The following SYCP2L variants were observed in gnomAD, a reference collection of about 807,000 sequenced individuals.
SYCP2L encodes synaptonemal complex protein 2-like.
Under a neutral mutation model 125.8 loss-of-function variants are expected in SYCP2L, and 98 were observed. The ratio of observed to expected loss-of-function variants is 0.78; its 90% CI spans 0.66 to 0.92. SYCP2L has a LOEUF of 0.92. Among genes scored for constraint, SYCP2L ranks in the 40% least tolerant of loss-of-function variants. SYCP2L has a pLI of 0.00. For synonymous variants in SYCP2L, 317 were observed against 325.4 expected (o/e 0.97, Z 0.28); for missense variants, 842 against 936.4 (o/e 0.90, Z 1.32).
At chr6:10,903,712 C>T (rs1780431584) in intron 8 of SYCP2L, among the ~76,000 whole-genome samples, 1 of 151,882 alleles carries the variant, frequency 6.6e-6, no homozygotes, top group African/African-American at 2.4e-5. Flanking sequence ...GATTGCACCA[C>T]TGCACTCCAG....
At chr6:10,941,543 A>G (rs1350393413) in intron 21 of SYCP2L, among the ~76,000 whole-genome samples, 1 of 152,264 alleles carries the variant, frequency 6.6e-6, no homozygotes, top group Non-Finnish European at 1.5e-5. Context: ...CAGACACATG[A>G]AAAAATGCTC....
At chr6:10,955,015 G>C in intron 23 of SYCP2L, 101 bp from the exon 24 acceptor site, 1 of 780,220 alleles carries the variant, frequency 1.3e-6, no homozygotes, top group South Asian at 1.6e-5. Flanking sequence ...AACAGGCAGG[G>C]GACAAGTTTC....
intron 18 of SYCP2L, among the ~76,000 whole-genome samples, chr6:10,929,780 C>CA (rs543540895): frequency 0.024 from 3,346 of 141,276 alleles, 159 homozygotes; most frequent in East Asian, 0.22. Context: ...AGTAAAAGTA[C>CA]AAAAAAAAAA....
intron 23 of SYCP2L, among the ~76,000 whole-genome samples, chr6:10,945,452 TC>T (rs1364996260): frequency 6.6e-6 from 1 of 152,118 alleles, no homozygotes; most frequent in Non-Finnish European, 1.5e-5. Flanking sequence ...CAATTTTTGC[TC>T]CCTATAAATC....
At chr6:10,915,039 C>T (rs1482186790) in intron 14 of SYCP2L, among the ~76,000 whole-genome samples, 1 of 152,138 alleles carries the variant, frequency 6.6e-6, no homozygotes, top group Non-Finnish European at 1.5e-5. Context: ...AACCACCGCA[C>T]CTGGCCCATC....
Position 10,930,486 on chromosome 6 carries a change from G to A in SYCP2L, c.1605G>A (p.Lys535=). ...CCCTAAAATCATATTCCAGTAGAAA[G>A]AAGACAAGAACCAGAAGTAATTTGA... ...KKSLKSYSSR[K]KTRTRSNLRI... The change falls in exon 19 of 30, where the codon AAG becomes AAA. Residue 535 remains lysine, a synonymous_variant. Coordinates refer to ENST00000283141, the MANE Select transcript of SYCP2L (RefSeq NM_001040274.3). The A allele has an allele frequency of 6.2e-7, 1 of 1,612,884 alleles. No individual in the cohort carries two copies. Among genetic ancestry groups the A allele is most frequent in the Non-Finnish European group, 8.5e-7 (1 of 1,179,554 alleles).
rs184875081 is a variant in SYCP2L at position 10,901,000 on chromosome 6, C to G, written c.467-1677C>G. Among the ~76,000 whole-genome samples the G allele has an allele frequency of 5.9e-5, 9 of 152,328 alleles. No homozygotes were observed. The East Asian group carries it at 1.7e-3, about 29-fold the overall frequency. ...GTTTTCACTGAATTTCTTCTCACCT[C>G]CTTCTGCAATTGACACAATTAATCA... On this transcript the variant is annotated intron_variant, in intron 6 of 29. Transcript: ENST00000283141.
At chr6:10,904,246 G>A (rs1332565713) in intron 8 of SYCP2L, among the ~76,000 whole-genome samples, 1 of 152,188 alleles carries the variant, frequency 6.6e-6, no homozygotes, top group Non-Finnish European at 1.5e-5. Context: ...TAATTCTTGG[G>A]ACATGAGATT....
At chr6:10,910,074 CTG>C in intron 10 of SYCP2L, 72 bp from the exon 11 acceptor site, 2 of 1,240,024 alleles carry the variant, frequency 1.6e-6, no homozygotes, top group South Asian at 1.3e-5. Flanking sequence ...ACACTGGCCT[CTG>C]TATGCTAAGG....
At chr6:10,969,797 T>G (rs1781741799) in intron 29 of SYCP2L, among the ~76,000 whole-genome samples, 1 of 152,174 alleles carries the variant, frequency 6.6e-6, no homozygotes, top group Non-Finnish European at 1.5e-5. Context: ...TGATATGCCA[T>G]GTAGCCACTA....
At chr6:10,924,778 G>C (rs1386994937) in intron 15 of SYCP2L, 137 bp downstream of exon 15, 2 of 803,564 alleles carry the variant, frequency 2.5e-6, no homozygotes, top group Admixed American at 4.0e-5. Context: ...GTAAAAAAGA[G>C]TTGAGAGTTC....
At chr6:10,909,116 A>ATTTTTTTTTTTTTTTTTTTTTTTTT (rs67767345) in intron 10 of SYCP2L, among the ~76,000 whole-genome samples, 1 of 94,878 alleles carries the variant, frequency 1.1e-5, no homozygotes, top group African/African-American at 4.8e-5. Context: ...TCTCAATTGA[A>ATTTTTTTTTTTTTTTTTTTTTTTTT]TTTTTTTTTT....
chr6:10,963,908 A>G, intron 29 of SYCP2L, 65 bp downstream of exon 29: 2 of 1,234,582 alleles, frequency 1.6e-6, no homozygotes, highest in Non-Finnish European at 1.2e-6. Context: ...AGCAAGCTCT[A>G]AAAGATACTG....
chr6:10,891,258 T>C (rs1032226144), intron 1 of SYCP2L, among the ~76,000 whole-genome samples: 1 of 152,326 alleles, frequency 6.6e-6, no homozygotes, highest in East Asian at 1.9e-4. Context: ...ATTCAAATGA[T>C]GTTTGCTTTG....
intron 25 of SYCP2L, among the ~76,000 whole-genome samples, chr6:10,958,215 T>C (rs1013906340): frequency 6.8e-6 from 1 of 146,188 alleles, no homozygotes; most frequent in Non-Finnish European, 1.5e-5. Context: ...AATTTATTTT[T>C]TTTTAAAAAA....
intron 1 of SYCP2L, among the ~76,000 whole-genome samples, chr6:10,887,518 T>C (rs1780095051): frequency 6.6e-6 from 1 of 152,166 alleles, no homozygotes. Context: ...GGACTTCATT[T>C]AACCGAACGA....
At chr6:10,963,118 A>T (rs1781620852) in intron 28 of SYCP2L, among the ~76,000 whole-genome samples, 1 of 152,236 alleles carries the variant, frequency 6.6e-6, no homozygotes, top group South Asian at 2.1e-4. Flanking sequence ...TAAGATGTTA[A>T]TTACTATTTG....
Position 10,926,397 on chromosome 6 carries a change from A to G in SYCP2L, c.1277A>G (p.Asp426Gly), listed in dbSNP as rs748378747. The change falls in exon 16 of 30, where the codon GAC becomes GGC. Residue 426 changes from aspartate (D) to glycine (G), a missense_variant. Coordinates refer to ENST00000283141, the MANE Select transcript of SYCP2L (RefSeq NM_001040274.3). ...SELFSKSDKE[D>G]RESPSGLERE... ...CTTTTTAGTAAGTCTGATAAAGAAG[A>G]CAGGGAGAGTCCCAGTGGCCTTGAA... 7 of 1,613,944 alleles carry G rather than the reference A, an allele frequency of 4.3e-6. No homozygotes were observed. The highest frequency in any genetic ancestry group is 5.9e-6 in the Non-Finnish European group (7 of 1,179,870).
chr6:10,899,832 A>G (rs960882150), intron 6 of SYCP2L, among the ~76,000 whole-genome samples: 12 of 152,228 alleles, frequency 7.9e-5, no homozygotes, highest in African/African-American at 2.7e-4. Context: ...AGTGGTTCCA[A>G]ACATTTTCAA....
Sources: gnomAD v4.1 joint callset for allele counts (sites outside exome capture counted in the v4.1 genomes callset) on GRCh38, gnomAD v4.1.1 for gene constraint, MANE v1.5 for transcripts, NCBI Gene and HGNC (gene_info 2026-07-23, HGNC 2026-07-21) for gene names.